The following RIMBP2 variants were observed in gnomAD, a reference collection of about 807,000 sequenced individuals.
The protein encoded by RIMBP2 is RIMS binding protein 2.
A neutral mutation model predicts 118.6 loss-of-function variants in RIMBP2; 48 were observed. The ratio of observed to expected loss-of-function variants is 0.40; its 90% CI spans 0.32 to 0.51. The LOEUF (loss-of-function observed/expected upper bound fraction) is 0.51, where lower values mean the gene tolerates loss of function less well. Among genes scored for constraint, RIMBP2 ranks in the 20% least tolerant of loss-of-function variants. The pLI is 0.41. For missense variants in RIMBP2, 1,551 were observed against 1,768.3 expected (o/e 0.88, Z 2.20); for synonymous variants, 762 against 742.9 (o/e 1.03, Z -0.42).
intron 1 of RIMBP2, among the ~76,000 whole-genome samples, chr12:130,646,133 A>G (rs1360148556): frequency 9.8e-6 from 1 of 102,322 alleles, no homozygotes; most frequent in African/African-American, 3.4e-5. Flanking sequence ...CTGCCTCTCC[A>G]CCTCCCTCAC....
At chr12:130,486,466 C>T (rs554236849) in intron 4 of RIMBP2, among the ~76,000 whole-genome samples, 2 of 151,950 alleles carry the variant, frequency 1.3e-5, no homozygotes, top group South Asian at 2.1e-4. Context: ...CCCCGTCCCC[C>T]GCCCCCCCGC....
At chr12:130,484,634 G>A (rs1049364586) in intron 4 of RIMBP2, among the ~76,000 whole-genome samples, 2 of 152,206 alleles carry the variant, frequency 1.3e-5, no homozygotes, top group East Asian at 3.9e-4. Flanking sequence ...CCGCCTTCAT[G>A]GCCTCTTGGA....
At chr12:130,438,559 C>A in intron 11 of RIMBP2, 43 bp from the exon 12 acceptor site, 1 of 1,502,006 alleles carries the variant, frequency 6.7e-7, no homozygotes, top group Non-Finnish European at 8.9e-7. Context: ...AGGGACCAGC[C>A]CTGGCAGGTG....
intron 2 of RIMBP2, among the ~76,000 whole-genome samples, chr12:130,570,799 T>C (rs1431324989): frequency 1.3e-5 from 2 of 152,210 alleles, no homozygotes; most frequent in Non-Finnish European, 2.9e-5. Flanking sequence ...TTCATGAACA[T>C]GATGATGACT....
rs564101963 is a variant in RIMBP2, at chr12:130,478,994, C to T, written c.20G>A (p.Arg7Gln). Residue 7 changes from arginine (R) to glutamine (Q), a missense_variant, in exon 5 of 23, where the codon CGG (arginine) becomes CAG (glutamine). Around this residue, in one of 5 missense-constraint regions of RIMBP2, gnomAD observed 239 missense variants for 256.8 expected, o/e 0.93. Coordinates refer to ENST00000690449, the MANE Select transcript of RIMBP2 (RefSeq NM_001393629.1). MREAAERRQQLQLEHDQ... is the reference protein window; with the variant it reads MREAAEQRQQLQLEHDQ... The stretch of plus-strand genomic sequence containing the variant: ...ATGCTCCAACTGCAGCTGCTGCCGC[C>T]GTTCAGCCGCCTCTCGCATATGCTG... The T allele has an allele frequency of 1.9e-5, 30 of 1,613,822 alleles. No individual in the cohort carries two copies. Among genetic ancestry groups the T allele is most frequent in the Non-Finnish European group, 2.2e-5 (26 of 1,179,902 alleles).
intron 1 of RIMBP2, among the ~76,000 whole-genome samples, chr12:130,639,100 A>G (rs1566414606): frequency 1.3e-5 from 2 of 152,240 alleles, no homozygotes; most frequent in South Asian, 4.2e-4. Context: ...CTTTTAATAA[A>G]AGCCTGGCCG....
At chr12:130,646,063 C>CTCCCTCACCACTTCCCTCACCACT (rs2062873942) in intron 1 of RIMBP2, among the ~76,000 whole-genome samples, 1 of 108,338 alleles carries the variant, frequency 9.2e-6, no homozygotes, top group Non-Finnish European at 2.1e-5. Context: ...CCCTCACCAC[C>CTCCCTCACCACTTCCCTCACCACT]TGCCTCTCCA....
intron 13 of RIMBP2, among the ~76,000 whole-genome samples, chr12:130,435,987 C>G (rs1306480845): frequency 2.6e-5 from 4 of 152,178 alleles, no homozygotes; most frequent in Non-Finnish European, 5.9e-5. Flanking sequence ...AGTGTAGGGT[C>G]CCGGTGAGAC....
At chr12:130,495,352 G>C (rs2049046663) in intron 4 of RIMBP2, among the ~76,000 whole-genome samples, 1 of 152,168 alleles carries the variant, frequency 6.6e-6, no homozygotes, top group Non-Finnish European at 1.5e-5. Context: ...GCTGCCCGTT[G>C]TCTCCTCTTG....
At chr12:130,540,132 C>G (rs954788591) in intron 2 of RIMBP2, among the ~76,000 whole-genome samples, 1 of 152,074 alleles carries the variant, frequency 6.6e-6, no homozygotes, top group African/African-American at 2.4e-5. Flanking sequence ...TAGGCTATGG[C>G]AGGAACTTGG....
At chr12:130,627,270 G>A (rs1222992979) in intron 2 of RIMBP2, among the ~76,000 whole-genome samples, 2 of 152,218 alleles carry the variant, frequency 1.3e-5, no homozygotes, top group Admixed American at 1.3e-4. Context: ...TCTGCTGCGC[G>A]ATCAAATGCA....
intron 2 of RIMBP2, among the ~76,000 whole-genome samples, chr12:130,558,658 T>C (rs1021334706): frequency 2.5e-4 from 38 of 150,884 alleles, no homozygotes; most frequent in Non-Finnish European, 5.3e-4. Flanking sequence ...ACTCACAGGG[T>C]TGGGTGTGCA....
At chr12:130,689,859 T>C (rs2065235336) in intron 1 of RIMBP2, among the ~76,000 whole-genome samples, 2 of 152,162 alleles carry the variant, frequency 1.3e-5, no homozygotes, top group Non-Finnish European at 2.9e-5. Context: ...GGGTCAGGCG[T>C]CTGGGCAGGC....
Position 130,414,198 on chromosome 12 carries a change from T to C in RIMBP2, c.3347A>G (p.Asp1116Gly). 6.2e-7 allele frequency: 1 copy of C among 1,614,104 alleles called. No homozygotes were observed. Among genetic ancestry groups the C allele is most frequent in the Non-Finnish European group, 8.5e-7 (1 of 1,180,036 alleles). The change falls in exon 18 of 23, where the codon GAC becomes GGC. Residue 1116 changes from aspartate to glycine, a missense_variant. Physicochemically the swap from Asp to Gly is moderately conservative, Grantham distance 94. Transcript: ENST00000690449. ...TGGGTTTGGGGACATGGTGAGCGGG[T>C]CGTAGTCAAAGAGAGCCACAAAGAT... ...ARIFVALFDYDPLTMSPNPDA... is the reference protein window; with the variant it reads ...ARIFVALFDYGPLTMSPNPDA...
chr12:130,594,827 G>T (rs2059461446), intron 2 of RIMBP2, among the ~76,000 whole-genome samples: 1 of 152,138 alleles, frequency 6.6e-6, no homozygotes, highest in African/African-American at 2.4e-5. Flanking sequence ...AGATATTTTG[G>T]ATTTATTTTA....
intron 17 of RIMBP2, 60 bp from the exon 18 acceptor site, chr12:130,414,366 G>T: frequency 1.3e-6 from 2 of 1,481,926 alleles, no homozygotes; most frequent in South Asian, 1.4e-5. Flanking sequence ...GAGCGTGCAC[G>T]GGAAATGCAG....
chr12:130,415,980 A>ACACACAC (rs58544830), intron 17 of RIMBP2, among the ~76,000 whole-genome samples: 4,115 of 149,406 alleles, frequency 0.028, 202 homozygotes, highest in African/African-American at 0.097. Context: ...CACACACACA[A>ACACACAC]AATATACAGA....
intron 1 of RIMBP2, among the ~76,000 whole-genome samples, chr12:130,674,123 T>A (rs916569017): frequency 6.6e-6 from 1 of 151,732 alleles, no homozygotes; most frequent in African/African-American, 2.4e-5. Context: ...GTCTAAAATT[T>A]AAAAAATAAA....
chr12:130,454,154 C>T (rs774551043), intron 7 of RIMBP2, among the ~76,000 whole-genome samples: 10 of 152,282 alleles, frequency 6.6e-5, no homozygotes, highest in Middle Eastern at 3.4e-3. Flanking sequence ...AAGGTAACCA[C>T]GTGAGGATGT....
Sources: allele counts gnomAD v4.1 joint callset (sites outside exome capture counted in the v4.1 genomes callset), GRCh38; gene constraint gnomAD v4.1.1; regional missense constraint gnomAD v4.1.1; transcripts MANE v1.5; gene names NCBI Gene and HGNC (gene_info 2026-07-23, HGNC 2026-07-21).